The following BCLAF1 variants were observed in gnomAD, a reference collection of about 807,000 sequenced individuals.
BCLAF1 encodes bcl-2-associated transcription factor 1.
A neutral mutation model predicts 99.5 loss-of-function variants in BCLAF1; 10 were observed. That is an observed-to-expected ratio of 0.10 (90% CI 0.06 to 0.17). BCLAF1 has a LOEUF of 0.17. BCLAF1 is among the 10% of genes least tolerant of loss of function. BCLAF1 has a pLI of 1.00. For missense variants in BCLAF1, 636 were observed against 1,105.8 expected (o/e 0.58, Z 6.02); for synonymous variants, 255 against 370.9 (o/e 0.69, Z 3.59).
intron 1 of BCLAF1, among the ~76,000 whole-genome samples, chr6:136,287,536 T>G (rs1313034086): frequency 6.6e-6 from 1 of 152,210 alleles, no homozygotes; most frequent in Admixed American, 6.5e-5. Flanking sequence ...AATTCCCTCT[T>G]CTACTTATTT....
At chr6:136,286,402 G>T (rs1437100325) in intron 1 of BCLAF1, among the ~76,000 whole-genome samples, 1 of 152,122 alleles carries the variant, frequency 6.6e-6, no homozygotes, top group African/African-American at 2.4e-5. Flanking sequence ...AATTCTGCAG[G>T]TGTTTTTTTG....
At chr6:136,261,188 T>A in intron 12 of BCLAF1, 73 bp from the exon 13 acceptor site, 1 of 1,564,040 alleles carries the variant, frequency 6.4e-7, no homozygotes, top group Non-Finnish European at 8.7e-7. Context: ...TAATAATTGT[T>A]CCTAAAAATG....
chr6:136,268,632 T>C (rs1782078470), intron 9 of BCLAF1: 2 of 265,436 alleles, frequency 7.5e-6, no homozygotes, highest in Non-Finnish European at 1.5e-5. Context: ...TTATGTCTTT[T>C]ATTACTTTAA....
Position 136,261,484 on chromosome 6 carries a change from A to C in BCLAF1, c.2545-7T>G. 6.2e-7 allele frequency: 1 copy of C among 1,609,744 alleles called. No homozygotes were observed. The highest frequency in any genetic ancestry group is 8.5e-7 in the Non-Finnish European group (1 of 1,178,328). ...CATCATCTCTGTCGTCATGCTACAG[A>C]AAGGTTAAAAACAATTGTCAATGAA... On this transcript the variant is annotated splice_region_variant and splice_polypyrimidine_tract_variant and intron_variant, in intron 11 of 12. Coordinates refer to ENST00000531224, the MANE Select transcript of BCLAF1 (RefSeq NM_014739.3).
At position 136,273,142 on chromosome 6, in the gene BCLAF1, G is replaced by A; in HGVS notation, c.1898C>T (p.Thr633Ile). The change falls in exon 7 of 13, where the codon ACT becomes ATT. Residue 633 changes from threonine to isoleucine, a missense_variant. Around this residue, in one of 9 missense-constraint regions of BCLAF1, gnomAD observed 180 missense variants for 270.0 expected, o/e 0.67. Coordinates refer to ENST00000531224, the MANE Select transcript of BCLAF1 (RefSeq NM_014739.3). ...SAAMTLNERF[T>I]SYQKATEEHS... ...TTCTTCAGTGGCTTTCTGATACGAAGTGAACCGCTCGTTTAGGGTCATTGC... is the reference window on the plus strand; with the variant it reads ...TTCTTCAGTGGCTTTCTGATACGAAATGAACCGCTCGTTTAGGGTCATTGC... 1.2e-6 allele frequency: 2 copies of A among 1,612,294 alleles called. No individual in the cohort carries two copies. The highest frequency in any genetic ancestry group is 1.7e-6 in the Non-Finnish European group (2 of 1,178,678).
intron 1 of BCLAF1, among the ~76,000 whole-genome samples, chr6:136,288,132 A>C (rs1166102570): frequency 6.6e-6 from 1 of 152,252 alleles, no homozygotes; most frequent in Non-Finnish European, 1.5e-5. Context: ...GGCTCTGGCT[A>C]AACAGCTTCC....
intron 1 of BCLAF1, 60 bp from the exon 2 acceptor site, chr6:136,282,747 C>T (rs1784545318): frequency 6.6e-6 from 1 of 152,072 alleles, no homozygotes; most frequent in Non-Finnish European, 1.5e-5. Flanking sequence ...CCATTATTTA[C>T]AATGCATATA....
chr6:136,269,231 C>A, intron 9 of BCLAF1: 1 of 1,451,622 alleles, frequency 6.9e-7, no homozygotes. Context: ...TTTTTTTTTT[C>A]AGTGTTAGCT....
chr6:136,266,339 A>G (rs79892003), intron 11 of BCLAF1, among the ~76,000 whole-genome samples: 712 of 152,228 alleles, frequency 4.7e-3, no homozygotes, highest in Middle Eastern at 0.031. Context: ...AAAAAAATGA[A>G]TACTTCTGGT....
Position 136,273,126 on chromosome 6 carries a change from G to A in BCLAF1, c.1914C>T (p.Ala638=). 1 of 1,612,216 alleles carries A rather than the reference G, an allele frequency of 6.2e-7. No homozygotes were observed. Among genetic ancestry groups the A allele is most frequent in the African/African-American group, 1.3e-5 (1 of 74,910 alleles). ...LNERFTSYQK[A]TEEHSTRQKS... is the part of the protein sequence containing the mutation. ...TTTGCCGAGTACTATGTTCTTCAGT[G>A]GCTTTCTGATACGAAGTGAACCGCT... The change falls in exon 7 of 13, where the codon GCC becomes GCT. Residue 638 remains alanine, a synonymous_variant. Transcript: ENST00000531224.
In BCLAF1 at chr6:136,269,428, A is replaced by G; in HGVS notation, c.2219+9T>C. The G allele has an allele frequency of 6.2e-7, 1 of 1,602,728 alleles. No individual in the cohort carries two copies. Among genetic ancestry groups the G allele is most frequent in the Non-Finnish European group, 8.5e-7 (1 of 1,175,582 alleles). ...GCTAAAACCTATCTTAGTCAGTTTG[A>G]ACAATTACCTGTCATCTTTGTAAGA... On this transcript the variant is annotated intron_variant, in intron 9 of 12. Coordinates refer to ENST00000531224, the MANE Select transcript of BCLAF1 (RefSeq NM_014739.3).
At chr6:136,264,106 C>T (rs894322852) in intron 11 of BCLAF1, among the ~76,000 whole-genome samples, 2 of 152,082 alleles carry the variant, frequency 1.3e-5, no homozygotes, top group Admixed American at 1.3e-4. Context: ...AGAATAATGG[C>T]CCCAACTCAA....
intron 1 of BCLAF1, among the ~76,000 whole-genome samples, chr6:136,286,534 C>G (rs1220248943): frequency 6.6e-6 from 1 of 152,226 alleles, no homozygotes; most frequent in Non-Finnish European, 1.5e-5. Flanking sequence ...CTAGCATTAG[C>G]CATCATTATT....
chr6:136,269,680 T>G, intron 8 of BCLAF1, 68 bp from the exon 9 acceptor site: 1 of 1,230,608 alleles, frequency 8.1e-7, no homozygotes, highest in South Asian at 2.0e-5. Context: ...ACACATATTA[T>G]AGAGTTAAAT....
rs1417252597 is a variant in BCLAF1 at position 136,278,261 on chromosome 6, G to T, written c.620C>A (p.Ala207Asp). Residue 207 changes from alanine (A) to aspartate (D), a missense_variant, in exon 4 of 13, where the codon GCC (alanine) becomes GAC (aspartate). Physicochemically the swap from Ala to Asp is moderately radical, Grantham distance 126. This residue lies in a region of BCLAF1 where 65 missense variants were observed against 90.9 expected (regional missense o/e 0.71). Coordinates refer to ENST00000531224, the MANE Select transcript of BCLAF1 (RefSeq NM_014739.3). ...ESIDEFNKSS[A>D]TSGDIWPGLS... ...GCCAGGCCAAATATCACCGGATGTGGCTGATGACTTATTAAATTCATCGAT... is the reference window on the plus strand; with the variant it reads ...GCCAGGCCAAATATCACCGGATGTGTCTGATGACTTATTAAATTCATCGAT... 1 of 1,614,160 alleles carries T rather than the reference G, an allele frequency of 6.2e-7. No homozygotes were observed.
intron 1 of BCLAF1, among the ~76,000 whole-genome samples, chr6:136,284,368 A>C (rs1784835318): frequency 6.6e-6 from 1 of 152,074 alleles, no homozygotes; most frequent in African/African-American, 2.4e-5. Flanking sequence ...CACAATAAAT[A>C]AGTCAGTATC....
intron 11 of BCLAF1, among the ~76,000 whole-genome samples, chr6:136,266,722 T>C (rs896377790): frequency 1.2e-4 from 18 of 152,088 alleles, no homozygotes; most frequent in African/African-American, 2.9e-4. Flanking sequence ...CACTGTCTTA[T>C]AGACAGATAT....
At position 136,289,199 on chromosome 6, in the gene BCLAF1, C is replaced by T. The variant is rs544362346; in HGVS notation, c.-115+514G>A. Among the ~76,000 whole-genome samples, 29 of 152,378 alleles carry T rather than the reference C, an allele frequency of 1.9e-4. No individual in the cohort carries two copies. The South Asian group carries it at 5.6e-3, about 29-fold the overall frequency. ...CCACGCGAAAAGGGGTAGACCTACT[C>T]AACGCACTTTGCTGCGGGTCACAGT... On this transcript the variant is annotated intron_variant, in intron 1 of 12. Coordinates refer to ENST00000531224, the MANE Select transcript of BCLAF1 (RefSeq NM_014739.3).
chr6:136,279,563 A>T (rs1042236154), intron 3 of BCLAF1, 200 bp downstream of exon 3: 5 of 431,816 alleles, frequency 1.2e-5, no homozygotes, highest in African/African-American at 2.1e-5. Context: ...CTGGATTTCA[A>T]TCCAAGCTCT....
Sources: gnomAD v4.1 joint callset for allele counts (sites outside exome capture counted in the v4.1 genomes callset) on GRCh38, gnomAD v4.1.1 for gene constraint, gnomAD v4.1.1 regional missense constraint, MANE v1.5 for transcripts, NCBI Gene and HGNC (gene_info 2026-07-23, HGNC 2026-07-21) for gene names.